Variants in PRRC2B observed in about 807,000 individuals in gnomAD.
PRRC2B encodes the protein proline rich coiled-coil 2B.
Under a neutral mutation model 242.3 loss-of-function variants are expected in PRRC2B, and 68 were observed. That is an observed-to-expected ratio of 0.28 (90% confidence interval 0.23 to 0.34). The LOEUF (loss-of-function observed/expected upper bound fraction) is 0.34, where lower values mean the gene tolerates loss of function less well. Among genes scored for constraint, PRRC2B ranks in the 10% least tolerant of loss-of-function variants. The pLI, the probability that PRRC2B is intolerant of heterozygous loss-of-function variation, is 1.00. For synonymous variants in PRRC2B, 1,228 were observed against 1,173.6 expected (o/e 1.05, Z -0.95); for missense variants, 2,835 against 2,954.8 (o/e 0.96, Z 0.94).
At chr9:131,399,230 TTGTG>T in intron 1 of PRRC2B, among the ~76,000 whole-genome samples, 2 of 143,562 alleles carry the variant, frequency 1.4e-5, no homozygotes, top group African/African-American at 2.6e-5. Context: ...TGAGCCGAGA[TTGTG>T]CCACTGCATT....
rs1330733316 is a variant in PRRC2B, at chr9:131,494,826, G to A, written c.6555+340G>A. On this transcript the variant is annotated intron_variant, in intron 31 of 31. Transcript: ENST00000683519. This position sits in a 1 kb window ranked among gnomAD's most constrained non-coding sequence, Gnocchi z 4.3. Reference sequence around the variant, plus strand: ...GTTTGGGGGTCGGCTTTAGGAGCCGGGGTGCGCGCGCTGGTTCTAGTCAGT... The same window carrying A: ...GTTTGGGGGTCGGCTTTAGGAGCCGAGGTGCGCGCGCTGGTTCTAGTCAGT... 6.6e-6 allele frequency among the ~76,000 whole-genome samples: 1 copy of A among 152,156 alleles called. No homozygotes were observed. The highest frequency in any genetic ancestry group is 2.4e-5 in the African/African-American group (1 of 41,422).
intron 2 of PRRC2B, among the ~76,000 whole-genome samples, chr9:131,430,819 G>C (rs373783496): frequency 9.2e-5 from 14 of 151,626 alleles, no homozygotes; most frequent in African/African-American, 3.4e-4. Context: ...TCTCAAACTC[G>C]TGACCTCAGG....
intron 5 of PRRC2B, among the ~76,000 whole-genome samples, chr9:131,439,419 G>T (rs1407971080): frequency 6.6e-6 from 1 of 152,196 alleles, no homozygotes; most frequent in Non-Finnish European, 1.5e-5. Flanking sequence ...ACGATTCAAA[G>T]GAATGTACTG....
Position 131,475,088 on chromosome 9 carries a change from G to A in PRRC2B, c.2959G>A (p.Glu987Lys), listed in dbSNP as rs763650568. The A allele has an allele frequency of 6.8e-6, 11 of 1,611,242 alleles. No individual in the cohort carries two copies. The South Asian group carries it at 8.8e-5, about 13-fold the overall frequency. Reference protein sequence around the residue: ...KEQSPTAEKDEDEENDASLAN... With the variant: ...KEQSPTAEKDKDEENDASLAN... ...GCAGAGCCCCACGGCAGAAAAGGATGAGGACGAAGAGAACGATGCCTCTCT... is the reference window on the plus strand; with the variant it reads ...GCAGAGCCCCACGGCAGAAAAGGATAAGGACGAAGAGAACGATGCCTCTCT... The change falls in exon 16 of 32, where the codon GAG becomes AAG. Residue 987 changes from glutamate (E) to lysine (K), a missense_variant. Transcript: ENST00000683519.
intron 3 of PRRC2B, among the ~76,000 whole-genome samples, chr9:131,433,097 C>T (rs1423906526): frequency 3.3e-5 from 5 of 152,174 alleles, no homozygotes; most frequent in Non-Finnish European, 7.3e-5. Flanking sequence ...GGCCTCATCA[C>T]CCCAGAGGAG....
chr9:131,410,384 A>C (rs1837475030), intron 1 of PRRC2B, among the ~76,000 whole-genome samples: 1 of 152,226 alleles, frequency 6.6e-6, no homozygotes, highest in East Asian at 1.9e-4. Context: ...CCAGGCCTGC[A>C]CTTCACATTC....
chr9:131,461,822 C>T (rs1448025053), intron 11 of PRRC2B, among the ~76,000 whole-genome samples: 3 of 152,140 alleles, frequency 2.0e-5, no homozygotes, highest in South Asian at 2.1e-4. Context: ...CCACTGCGCC[C>T]GGCCTGCTCT....
chr9:131,463,112 G>C (rs1317378310), intron 11 of PRRC2B, among the ~76,000 whole-genome samples: 1 of 152,148 alleles, frequency 6.6e-6, no homozygotes, highest in Non-Finnish European at 1.5e-5. Flanking sequence ...TCAATACACA[G>C]CCGTTAGAAA....
intron 9 of PRRC2B, among the ~76,000 whole-genome samples, chr9:131,454,245 C>T (rs1427235300): frequency 1.3e-5 from 2 of 152,164 alleles, no homozygotes; most frequent in African/African-American, 2.4e-5. Context: ...TGTGGACCTA[C>T]CACACTGTGT....
In PRRC2B at chr9:131,484,798, C is replaced by A; in HGVS notation, c.5565+8C>A. ...GCCGACCTTACTCTGAAGGTAACAC[C>A]AGCCCTGAGCTGGGTGAGGGCCCAC... On this transcript the variant is annotated splice_region_variant and intron_variant, in intron 24 of 31. Coordinates refer to ENST00000683519, the MANE Select transcript of PRRC2B (RefSeq NM_013318.4). The A allele has an allele frequency of 6.3e-7, 1 of 1,598,070 alleles. No homozygotes were observed. Among genetic ancestry groups the A allele is most frequent in the South Asian group, 1.1e-5 (1 of 89,422 alleles).
In PRRC2B at chr9:131,482,420, A is replaced by C; in HGVS notation, c.5033A>C (p.Glu1678Ala). Residue 1678 changes from glutamate to alanine, a missense_variant, in exon 21 of 32, where the codon GAG becomes GCG. By Grantham distance (107) the Glu-to-Ala change is moderately radical (BLOSUM62 -1). Around this residue, in one of 7 missense-constraint regions of PRRC2B, gnomAD observed 38 missense variants for 73.3 expected, o/e 0.52. Transcript: ENST00000683519. This position sits in a 1 kb window ranked among gnomAD's most constrained non-coding sequence, Gnocchi z 5.2. ...QGDSGVDLSA[E>A]SRESSATSSQ... ...GATAGTGGCGTTGACTTGAGTGCCGAGTCTCGGGAGTCGTCTGCGACCTCC... is the reference window on the plus strand; with the variant it reads ...GATAGTGGCGTTGACTTGAGTGCCGCGTCTCGGGAGTCGTCTGCGACCTCC... 6.2e-7 allele frequency: 1 copy of C among 1,601,744 alleles called. No individual in the cohort carries two copies. Among genetic ancestry groups the C allele is most frequent in the Non-Finnish European group, 8.5e-7 (1 of 1,170,230 alleles).
rs767540760 is a variant in PRRC2B, at chr9:131,464,851, A to T, written c.1493A>T (p.Glu498Val). ...PPPRQKFIQS[E>V]MSEAVERARK... is the part of the protein sequence containing the mutation. ...CCAAGGCAGAAGTTCATTCAGTCAG[A>T]GATGTCCGAGGCGGTGGAGCGAGCC... The change falls in exon 12 of 32, where the codon GAG (glutamate) becomes GTG (valine). Residue 498 changes from glutamate (E) to valine (V), a missense_variant. By Grantham distance (121) the Glu-to-Val change is moderately radical. Transcript: ENST00000683519. 6.2e-7 allele frequency: 1 copy of T among 1,613,810 alleles called. No individual in the cohort carries two copies. The highest frequency in any genetic ancestry group is 8.5e-7 in the Non-Finnish European group (1 of 1,179,852).
rs756490406 is a variant in PRRC2B at position 131,470,831 on chromosome 9, C to G, written c.1955C>G (p.Pro652Arg). Reference sequence around the variant, plus strand: ...CAGCACTGGCAGCCGGTGTACCCCCCGCCGTCCCACCCCCAGCGCACCTTT... The same window carrying G: ...CAGCACTGGCAGCCGGTGTACCCCCGGCCGTCCCACCCCCAGCGCACCTTT... ...KMQHWQPVYPPPSHPQRTFYP... is the reference protein window; with the variant it reads ...KMQHWQPVYPRPSHPQRTFYP... Residue 652 changes from proline to arginine, a missense_variant, in exon 14 of 32, where the codon CCG (proline) becomes CGG (arginine). Around this residue, in one of 7 missense-constraint regions of PRRC2B, gnomAD observed 1,536 missense variants for 1,483.1 expected, o/e 1.04. Coordinates refer to ENST00000683519, the MANE Select transcript of PRRC2B (RefSeq NM_013318.4). 1 of 1,612,016 alleles carries G rather than the reference C, an allele frequency of 6.2e-7. No individual in the cohort carries two copies. Among genetic ancestry groups the G allele is most frequent in the Non-Finnish European group, 8.5e-7 (1 of 1,178,710 alleles).
upstream of PRRC2B, among the ~76,000 whole-genome samples, chr9:131,390,832 G>A (rs1378378353): frequency 1.6e-5 from 2 of 128,778 alleles, no homozygotes; most frequent in Non-Finnish European, 3.1e-5. Context: ...TGTCGCCCAG[G>A]CTATAGTGCA....
chr9:131,428,720 T>C (rs1838040937), intron 1 of PRRC2B, among the ~76,000 whole-genome samples: 1 of 151,966 alleles, frequency 6.6e-6, no homozygotes, highest in Non-Finnish European at 1.5e-5. Context: ...TTAGACACAG[T>C]GTCTTGCTGT....
chr9:131,445,232 C>T (rs1838757992), intron 6 of PRRC2B, among the ~76,000 whole-genome samples: 1 of 151,994 alleles, frequency 6.6e-6, no homozygotes, highest in Admixed American at 6.6e-5. Flanking sequence ...GCGATCTCTG[C>T]TCACTGCAAC....
In PRRC2B at chr9:131,474,495, G is replaced by T. The variant is rs776230400; in HGVS notation, c.2366G>T (p.Gly789Val). Reference sequence around the variant, plus strand: ...TCTGCCTCACTCGGAAGGGCAGGGGGCGTAAGTGCTCAGCGCGATCTCTTT... The same window carrying T: ...TCTGCCTCACTCGGAAGGGCAGGGGTCGTAAGTGCTCAGCGCGATCTCTTT... ...SFSASLGRAG[G>V]VSAQRDLFEE... is the part of the protein sequence containing the mutation. The change falls in exon 16 of 32, where the codon GGC (glycine) becomes GTC (valine). Residue 789 changes from glycine (G) to valine (V), a missense_variant. Gly to Val is a moderately radical substitution (Grantham distance 109, BLOSUM62 -3). Transcript: ENST00000683519. 4 of 1,613,986 alleles carry T rather than the reference G, an allele frequency of 2.5e-6. No individual in the cohort carries two copies. In the Admixed American group the frequency reaches 6.7e-5, roughly 27 times the overall value.
chr9:131,418,072 A>G lies in PRRC2B; in HGVS notation c.-51-12022A>G, dbSNP rs144969858. On this transcript the variant is annotated intron_variant, in intron 1 of 31. Transcript: ENST00000683519. The stretch of plus-strand genomic sequence containing the variant: ...AGACGCCTTGAGAAAGGGAGTCCAA[A>G]GCCCCGGAGGCAGAGAGTTCAGCCA... Among the ~76,000 whole-genome samples the G allele has an allele frequency of 2.2e-3, 340 of 152,326 alleles. 3 individuals carry two copies. Among genetic ancestry groups the G allele is most frequent in the African/African-American group, 7.8e-3 (324 of 41,586 alleles).
Position 131,430,228 on chromosome 9 carries a change from A to G in PRRC2B, c.84A>G (p.Lys28=). The change falls in exon 2 of 32, where the codon AAA becomes AAG. Residue 28 remains lysine, a synonymous_variant. Coordinates refer to ENST00000683519, the MANE Select transcript of PRRC2B (RefSeq NM_013318.4). ...YSTLSLFDKY[K]GKSVDAIRSS... is the part of the protein sequence containing the mutation. ...CTCTCAGCCTGTTTGATAAGTATAAAGGAAAATCAGTAGACGCGATTAGAT... is the reference window on the plus strand; with the variant it reads ...CTCTCAGCCTGTTTGATAAGTATAAGGGAAAATCAGTAGACGCGATTAGAT... 1 of 1,603,868 alleles carries G rather than the reference A, an allele frequency of 6.2e-7. No homozygotes were observed. Among genetic ancestry groups the G allele is most frequent in the Non-Finnish European group, 8.5e-7 (1 of 1,174,984 alleles).
Sources: allele counts gnomAD v4.1 joint callset (sites outside exome capture counted in the v4.1 genomes callset), GRCh38; gene constraint gnomAD v4.1.1; regional missense constraint gnomAD v4.1.1; non-coding constraint Gnocchi (gnomAD v3.1); transcripts MANE v1.5; gene names NCBI Gene and HGNC (gene_info 2026-07-23, HGNC 2026-07-21).